Variants in TCERG1L observed in about 807,000 individuals in gnomAD.
TCERG1L encodes transcription elongation regulator 1-like protein.
TCERG1L carries 37 observed loss-of-function variants against 56.3 expected under a neutral mutation model. The ratio of observed to expected loss-of-function variants is 0.66; its 90% confidence interval spans 0.51 to 0.87. The LOEUF (loss-of-function observed/expected upper bound fraction) is 0.87, where lower values mean the gene tolerates loss of function less well. TCERG1L is among the 40% of genes least tolerant of loss of function. TCERG1L has a pLI of 0.00. For synonymous variants in TCERG1L, 324 were observed against 326.3 expected, an observed-to-expected ratio of 0.99 and a Z score of 0.08; for missense variants, 799 against 774.2, an observed-to-expected ratio of 1.03 and a Z score of -0.38.
chr10:131,119,532 G>A (rs563155656), intron 8 of TCERG1L, among the ~76,000 whole-genome samples: 1 of 152,278 alleles, frequency 6.6e-6, no homozygotes, highest in African/African-American at 2.4e-5. Flanking sequence ...CTGTATTGTT[G>A]CAACTTGAAA....
At chr10:131,234,188 GGAA>G (rs1253910416) in intron 4 of TCERG1L, among the ~76,000 whole-genome samples, 3 of 152,130 alleles carry the variant, frequency 2.0e-5, no homozygotes, top group Admixed American at 1.3e-4. Flanking sequence ...GAAACTTCTT[GGAA>G]GAAGATCATC....
chr10:131,186,243 T>G (rs1300930271), intron 4 of TCERG1L, among the ~76,000 whole-genome samples: 1 of 151,426 alleles, frequency 6.6e-6, no homozygotes. Context: ...CAGTAAGGAG[T>G]TTTTTTTCAG....
chr10:131,261,281 A>AT (rs1846235567), intron 3 of TCERG1L, among the ~76,000 whole-genome samples: 1 of 152,252 alleles, frequency 6.6e-6, no homozygotes, highest in African/African-American at 2.4e-5. Flanking sequence ...TGTAGGTGCC[A>AT]TTTTATATGG....
intron 4 of TCERG1L, among the ~76,000 whole-genome samples, chr10:131,222,226 T>C (rs564302598): frequency 4.5e-4 from 68 of 151,994 alleles, no homozygotes; most frequent in Non-Finnish European, 8.2e-4. Context: ...ATCAAAAGAG[T>C]GAATTATTGG....
At chr10:131,200,191 A>G (rs1009453642) in intron 4 of TCERG1L, among the ~76,000 whole-genome samples, 2 of 152,180 alleles carry the variant, frequency 1.3e-5, no homozygotes, top group African/African-American at 4.8e-5. Context: ...CATGTTGGGT[A>G]TATTTTATGG....
At chr10:131,239,034 T>G (rs1845944849) in intron 4 of TCERG1L, among the ~76,000 whole-genome samples, 1 of 152,106 alleles carries the variant, frequency 6.6e-6, no homozygotes, top group Admixed American at 6.5e-5. Flanking sequence ...GTAGCACGTG[T>G]GCATTTTCAT....
chr10:131,157,045 G>GA (rs1190083950), intron 6 of TCERG1L, among the ~76,000 whole-genome samples: 1 of 152,162 alleles, frequency 6.6e-6, no homozygotes, highest in East Asian at 1.9e-4. Context: ...CCTGGCTTCT[G>GA]GGCTAGGCAC....
intron 4 of TCERG1L, among the ~76,000 whole-genome samples, chr10:131,245,833 G>A (rs1197236195): frequency 6.6e-6 from 1 of 152,212 alleles, no homozygotes; most frequent in Non-Finnish European, 1.5e-5. Flanking sequence ...GGGCTGCAGG[G>A]CCTCATGGAA....
chr10:131,202,153 C>T (rs184059106), intron 4 of TCERG1L, among the ~76,000 whole-genome samples: 20 of 152,290 alleles, frequency 1.3e-4, no homozygotes, highest in African/African-American at 4.1e-4. Flanking sequence ...GTGAGCCTCC[C>T]GACCACATGA....
rs1470128996 is a variant in TCERG1L at position 131,311,190 on chromosome 10, GGGA to G, written c.342+101_342+103del. 2 of 954,498 alleles carry G rather than the reference GGGA, an allele frequency of 2.1e-6. No homozygotes were observed. Among genetic ancestry groups the G allele is most frequent in the African/African-American group, 3.5e-5 (2 of 57,532 alleles). The allele number at this position is 954,498 out of a possible 1,614,324, so 59.1% of individuals were successfully genotyped here. On this transcript the variant is annotated intron_variant, in intron 1 of 11. Coordinates refer to ENST00000368642, the MANE Select transcript of TCERG1L (RefSeq NM_174937.4). The surrounding 1 kb of genome is among the most constrained non-coding windows in gnomAD (Gnocchi z 4.0). ...GGGTTTGGGGCGGCGAGGACCGCCG[GGGA>G]GGAGGGCGCGCGAGCCGGAGGCCAG...
At chr10:131,225,029 C>T (rs982200715) in intron 4 of TCERG1L, among the ~76,000 whole-genome samples, 4 of 152,084 alleles carry the variant, frequency 2.6e-5, no homozygotes, top group African/African-American at 9.7e-5. Flanking sequence ...TCATGAGTGC[C>T]GTGGATGTGT....
intron 4 of TCERG1L, among the ~76,000 whole-genome samples, chr10:131,181,128 C>T (rs748965764): frequency 1.3e-5 from 2 of 152,258 alleles, no homozygotes; most frequent in Non-Finnish European, 2.9e-5. Context: ...CCCTGATCTA[C>T]GTGGTTGAAT....
chr10:131,161,057 C>T (rs1298704752), intron 6 of TCERG1L: 1 of 152,332 alleles, frequency 6.6e-6, no homozygotes, highest in African/African-American at 2.4e-5. Flanking sequence ...TCAACCAGTT[C>T]GTGGCATCGT....
At chr10:131,124,837 C>T (rs749291670) in intron 8 of TCERG1L, among the ~76,000 whole-genome samples, 4 of 152,240 alleles carry the variant, frequency 2.6e-5, no homozygotes, top group Non-Finnish European at 5.9e-5. Flanking sequence ...CCACTGTGTG[C>T]TCTGTGTTCT....
intron 4 of TCERG1L, among the ~76,000 whole-genome samples, chr10:131,211,513 C>G (rs899472536): frequency 2.0e-5 from 3 of 152,150 alleles, no homozygotes; most frequent in African/African-American, 7.2e-5. Context: ...AAGTAATGTC[C>G]CAGGATGCAG....
In TCERG1L at chr10:131,093,117, C is replaced by T. The variant is rs1845198496; in HGVS notation, c.*45G>A. ...TCCACCGTGACCCCCTCGCCCCCGG[C>T]ACGCCCAGGGTCAACCCCCGGGCTT... On this transcript the variant is annotated 3_prime_UTR_variant, in exon 12 of 12. Coordinates refer to ENST00000368642, the MANE Select transcript of TCERG1L (RefSeq NM_174937.4). The T allele has an allele frequency of 1.3e-6, 2 of 1,593,062 alleles. No homozygotes were observed.
In TCERG1L at chr10:131,267,862, A is replaced by G. The variant is rs1315391901; in HGVS notation, c.671-7418T>C. 6.6e-6 allele frequency among the ~76,000 whole-genome samples: 1 copy of G among 152,170 alleles called. No individual in the cohort carries two copies. Among genetic ancestry groups the G allele is most frequent in the African/African-American group, 2.4e-5 (1 of 41,444 alleles). On this transcript the variant is annotated intron_variant, in intron 3 of 11. Coordinates refer to ENST00000368642, the MANE Select transcript of TCERG1L (RefSeq NM_174937.4). The surrounding 1 kb of genome is among the most constrained non-coding windows in gnomAD (Gnocchi z 4.9). ...TCCAGGGCCTTGCCAGGCCCGTGCC[A>G]GAGTCGAGGGCAAGGGTGATGTTGC...
chr10:131,156,247 T>C (rs868580598), intron 6 of TCERG1L: 1 of 152,328 alleles, frequency 6.6e-6, no homozygotes, highest in Middle Eastern at 3.4e-3. Context: ...TCTCAGAACA[T>C]GATTTTGATA....
intron 11 of TCERG1L, 105 bp downstream of exon 11, chr10:131,098,201 G>A: frequency 2.5e-6 from 3 of 1,222,644 alleles, no homozygotes; most frequent in Non-Finnish European, 3.4e-6. Context: ...TCGTGTCTGT[G>A]GAAGGCTGGG....
Sources: gnomAD v4.1 joint callset for allele counts (sites outside exome capture counted in the v4.1 genomes callset) on GRCh38, gnomAD v4.1.1 for gene constraint, Gnocchi (gnomAD v3.1) non-coding constraint, MANE v1.5 for transcripts, NCBI Gene and HGNC (gene_info 2026-07-23, HGNC 2026-07-21) for gene names.